Variants in KCNC1 observed in about 807,000 individuals in gnomAD.
KCNC1 encodes the protein voltage-gated potassium channel KCNC1.
KCNC1 carries 8 observed loss-of-function variants against 43.4 expected under a neutral mutation model. The observed-to-expected ratio is 0.18, with a 90% CI of 0.11 to 0.33. The LOEUF (loss-of-function observed/expected upper bound fraction) is 0.33, where lower values mean the gene tolerates loss of function less well. Ranked by LOEUF, KCNC1 falls within the 10% of genes least tolerant of loss-of-function variation. KCNC1 has a pLI of 1.00. For missense variants in KCNC1, 420 were observed against 836.0 expected (o/e 0.50, Z 6.14); for synonymous variants, 361 against 360.5 (o/e 1.00, Z -0.01).
At chr11:17,772,654 C>T (rs756099846) in intron 2 of KCNC1, 56 bp downstream of exon 2, 19 of 1,582,908 alleles carry the variant, frequency 1.2e-5, no homozygotes, top group Middle Eastern at 1.7e-4. Context: ...CCCCCTGTAG[C>T]GATGATTCCA....
chr11:17,774,411 G>A, intron 2 of KCNC1: 2 of 985,580 alleles, frequency 2.0e-6, no homozygotes, highest in Non-Finnish European at 2.4e-6. Context: ...GTTGCCCCAA[G>A]CACAGGTGCC....
At chr11:17,769,079 G>A (rs1849191954) in intron 1 of KCNC1, among the ~76,000 whole-genome samples, 1 of 152,236 alleles carries the variant, frequency 6.6e-6, no homozygotes, top group Admixed American at 6.5e-5. Flanking sequence ...ATGGCTTTGA[G>A]CCTCTACCCT....
intron 1 of KCNC1, among the ~76,000 whole-genome samples, chr11:17,737,657 G>T (rs1848784047): frequency 6.6e-6 from 1 of 152,168 alleles, no homozygotes; most frequent in Non-Finnish European, 1.5e-5. Context: ...GCCTTCACTG[G>T]GCTCTGTCCT....
Position 17,776,201 on chromosome 11 carries a change from C to G in KCNC1, c.1505-3255C>G. The G allele has an allele frequency of 2.0e-6, 2 of 985,476 alleles. No individual in the cohort carries two copies. The highest frequency in any genetic ancestry group is 4.7e-5 in the South Asian group (1 of 21,284). 61.0% of individuals were successfully genotyped at this position (985,476 alleles called of 1,614,324 possible). On this transcript the variant is annotated intron_variant, in intron 2 of 3. Transcript: ENST00000265969. The surrounding 1 kb of genome is among the most constrained non-coding windows in gnomAD (Gnocchi z 4.4). Reference sequence around the variant, plus strand: ...GTTCACATTTTCTCTCTTTCTCTCTCTCTCCACTAATCATGTTTCTCTCTC... The same window carrying G: ...GTTCACATTTTCTCTCTTTCTCTCTGTCTCCACTAATCATGTTTCTCTCTC...
Position 17,779,522 on chromosome 11 carries a change from A to G in KCNC1, c.1571A>G (p.Gln524Arg). 6.4e-7 allele frequency: 1 copy of G among 1,551,406 alleles called. No homozygotes were observed. Among genetic ancestry groups the G allele is most frequent in the Non-Finnish European group, 8.7e-7 (1 of 1,146,918 alleles). ...AACGAAGACTGCCCCCACATAGACC[A>G]GGCCCTCACTCCCGATGAGGGCCTG... ...LANEDCPHID[Q>R]ALTPDEGLPF... Residue 524 changes from glutamine (Q) to arginine (R), a missense_variant, in exon 3 of 4, where the codon CAG (glutamine) becomes CGG (arginine). Gln to Arg is a conservative substitution (Grantham distance 43, BLOSUM62 1). This residue lies in a region of KCNC1 where 147 missense variants were observed against 176.1 expected (regional missense o/e 0.83). Transcript: ENST00000265969. This position sits in a 1 kb window ranked among gnomAD's most constrained non-coding sequence, Gnocchi z 7.2.
chr11:17,741,490 C>T (rs1848840637), intron 1 of KCNC1, among the ~76,000 whole-genome samples: 1 of 152,120 alleles, frequency 6.6e-6, no homozygotes, highest in African/African-American at 2.4e-5. Flanking sequence ...CCATGTTCAC[C>T]ATCCTGGCTC....
rs1848757127 is a variant in KCNC1 at position 17,735,776 on chromosome 11, A to G, written c.-227A>G. The G allele has an allele frequency of 2.3e-6, 1 of 427,858 alleles. No homozygotes were observed. The highest frequency in any genetic ancestry group is 7.0e-5 in the South Asian group (1 of 14,258). 26.5% of individuals were successfully genotyped at this position (427,858 alleles called of 1,614,324 possible). On this transcript the variant is annotated 5_prime_UTR_variant, in exon 1 of 4. Coordinates refer to ENST00000265969, the MANE Select transcript of KCNC1 (RefSeq NM_001112741.2). The surrounding 1 kb of genome is among the most constrained non-coding windows in gnomAD (Gnocchi z 6.7). ...CAGCTCCCTCCCACATCTGGCTCCT[A>G]GAGACCCCTGGGATCCCGCGCACAT...
intron 1 of KCNC1, among the ~76,000 whole-genome samples, chr11:17,756,519 AAACACACAC>A (rs1442416054): frequency 1.4e-5 from 1 of 72,592 alleles, no homozygotes; most frequent in Non-Finnish European, 2.7e-5. Context: ...CCTTCCCTCC[AAACACACAC>A]ACACACACAC....
intron 1 of KCNC1, among the ~76,000 whole-genome samples, chr11:17,767,649 C>T (rs1183299531): frequency 1.3e-5 from 2 of 152,230 alleles, no homozygotes; most frequent in East Asian, 1.9e-4. Context: ...TCCTCCACAG[C>T]ACTCTAAGCG....
In KCNC1 at chr11:17,779,304, T is replaced by A; in HGVS notation, c.1505-152T>A. 1.7e-6 allele frequency: 1 copy of A among 591,228 alleles called. No homozygotes were observed. The highest frequency in any genetic ancestry group is 2.9e-6 in the Non-Finnish European group (1 of 349,504). The allele number at this position is 591,228 out of a possible 1,614,324, so 36.6% of individuals were successfully genotyped here. ...TGAACCCCCCACCAAGCCCCCTGCCTTGTGCCCTCCTCGCTCCACAGCCTG... is the reference window on the plus strand; with the variant it reads ...TGAACCCCCCACCAAGCCCCCTGCCATGTGCCCTCCTCGCTCCACAGCCTG... On this transcript the variant is annotated intron_variant, in intron 2 of 3. Coordinates refer to ENST00000265969, the MANE Select transcript of KCNC1 (RefSeq NM_001112741.2). The surrounding 1 kb of genome is among the most constrained non-coding windows in gnomAD (Gnocchi z 7.2).
At chr11:17,766,492 C>T (rs888199094) in intron 1 of KCNC1, among the ~76,000 whole-genome samples, 3 of 152,186 alleles carry the variant, frequency 2.0e-5, no homozygotes, top group African/African-American at 4.8e-5. Flanking sequence ...CCGGGGATGA[C>T]AGCCCAGGGT....
intron 3 of KCNC1, chr11:17,780,851 A>G (rs1460258751): frequency 6.6e-6 from 1 of 152,302 alleles, no homozygotes; most frequent in Non-Finnish European, 1.5e-5. Context: ...TGCCCTGCCC[A>G]GAGGTCCTTT....
chr11:17,756,302 T>G (rs755571957), intron 1 of KCNC1, among the ~76,000 whole-genome samples: 9 of 152,074 alleles, frequency 5.9e-5, no homozygotes, highest in Non-Finnish European at 1.0e-4. Flanking sequence ...AGGTACATAT[T>G]TGCTTGTATG....
intron 1 of KCNC1, among the ~76,000 whole-genome samples, chr11:17,756,520 A>AACACACACACACACAC (rs3051818): frequency 2.1e-5 from 3 of 143,908 alleles, no homozygotes; most frequent in Admixed American, 2.0e-4. Context: ...CTTCCCTCCA[A>AACACACACACACACAC]ACACACACAC....
intron 1 of KCNC1, among the ~76,000 whole-genome samples, chr11:17,748,900 G>T (rs1031092883): frequency 1.3e-5 from 2 of 152,190 alleles, no homozygotes; most frequent in African/African-American, 4.8e-5. Flanking sequence ...GCAGGAGATG[G>T]TGGGTCCCAT....
At chr11:17,748,508 T>A (rs1282984389) in intron 1 of KCNC1, among the ~76,000 whole-genome samples, 1 of 152,124 alleles carries the variant, frequency 6.6e-6, no homozygotes, top group East Asian at 1.9e-4. Context: ...TGTCCAATAT[T>A]TGAGAGATGG....
chr11:17,767,719 A>G (rs1305110387), intron 1 of KCNC1, among the ~76,000 whole-genome samples: 6 of 152,224 alleles, frequency 3.9e-5, no homozygotes, highest in Non-Finnish European at 8.8e-5. Context: ...CAGGCCTCAC[A>G]GTAGCAGAGG....
At position 17,777,336 on chromosome 11, in the gene KCNC1, C is replaced by G; in HGVS notation, c.1505-2120C>G. Reference sequence around the variant, plus strand: ...CAGAGGATGGCCAACAGAGACTCAGCAAGTCCTCACTCCCCTCCCAGAAGG... The same window carrying G: ...CAGAGGATGGCCAACAGAGACTCAGGAAGTCCTCACTCCCCTCCCAGAAGG... On this transcript the variant is annotated intron_variant, in intron 2 of 3. Transcript: ENST00000265969. This position sits in a 1 kb window ranked among gnomAD's most constrained non-coding sequence, Gnocchi z 4.3. 1.0e-6 allele frequency: 1 copy of G among 985,910 alleles called. No individual in the cohort carries two copies. The highest frequency in any genetic ancestry group is 1.2e-6 in the Non-Finnish European group (1 of 830,010). The allele number at this position is 985,910 out of a possible 1,614,324, so 61.1% of individuals were successfully genotyped here. A position where few individuals can be genotyped will look rare whatever the true frequency, so the allele number is the denominator to read the frequency against.
At chr11:17,768,119 G>C (rs994847699) in intron 1 of KCNC1, among the ~76,000 whole-genome samples, 1 of 152,112 alleles carries the variant, frequency 6.6e-6, no homozygotes, top group South Asian at 2.1e-4. Flanking sequence ...AGATGGGCTT[G>C]CTGCCTCCCT....
Sources: gnomAD v4.1 joint callset for allele counts (sites outside exome capture counted in the v4.1 genomes callset) on GRCh38, gnomAD v4.1.1 for gene constraint, gnomAD v4.1.1 regional missense constraint, Gnocchi (gnomAD v3.1) non-coding constraint, MANE v1.5 for transcripts, NCBI Gene and HGNC (gene_info 2026-07-23, HGNC 2026-07-21) for gene names.